EMSY: variants seen among roughly 807,000 people sequenced by gnomAD.
EMSY encodes EMSY transcriptional repressor, BRCA2 interacting, also known as BRCA2-interacting transcriptional repressor EMSY.
A neutral mutation model predicts 134.6 loss-of-function variants in EMSY; 26 were observed. The observed-to-expected ratio is 0.19, with a 90% CI of 0.14 to 0.27. The LOEUF (loss-of-function observed/expected upper bound fraction) is 0.27. Ranked by LOEUF, EMSY falls within the 10% of genes least tolerant of loss-of-function variation. The pLI, the probability that EMSY is intolerant of heterozygous loss-of-function variation, is 1.00. For missense variants in EMSY, 1,305 were observed against 1,611.4 expected (o/e 0.81, Z 3.26); for synonymous variants, 579 against 577.8 (o/e 1.00, Z -0.03).
intron 17 of EMSY, 173 bp from the exon 19 acceptor site, chr11:76,542,043 T>TTA: frequency 1.3e-6 from 1 of 743,602 alleles, no homozygotes; most frequent in Non-Finnish European, 2.3e-6. Context: ...ATAAGAGACT[T>TTA]TCTTAGAGTC....
intron 6 of EMSY, among the ~76,000 whole-genome samples, chr11:76,463,345 C>T (rs1204444787): frequency 3.3e-5 from 5 of 151,658 alleles, no homozygotes; most frequent in African/African-American, 4.8e-5. Context: ...GGAAGGCAGC[C>T]GGGCGCGGTG....
intron 8 of EMSY, among the ~76,000 whole-genome samples, chr11:76,487,697 AT>A (rs1949245023): frequency 6.6e-6 from 1 of 152,228 alleles, no homozygotes; most frequent in South Asian, 2.1e-4. Flanking sequence ...TATTTAAAAT[AT>A]TTTATAAAGT....
intron 9 of EMSY, among the ~76,000 whole-genome samples, chr11:76,506,266 A>G (rs953081323): frequency 2.7e-4 from 41 of 152,344 alleles, no homozygotes; most frequent in Non-Finnish European, 5.9e-5. Context: ...GACTGAAATC[A>G]CATTTGGTTA....
intron 4 of EMSY, among the ~76,000 whole-genome samples, chr11:76,454,295 A>G (rs1947786623): frequency 6.6e-6 from 1 of 152,124 alleles, no homozygotes; most frequent in African/African-American, 2.4e-5. Context: ...TTAACATAAA[A>G]TGGGGTGCTA....
intron 14 of EMSY, among the ~76,000 whole-genome samples, chr11:76,533,979 G>C (rs1288346694): frequency 6.6e-6 from 1 of 152,134 alleles, no homozygotes; most frequent in Non-Finnish European, 1.5e-5. Context: ...GTGTCACAGG[G>C]TTGCTACAGT....
chr11:76,486,229 C>T (rs2135580597), intron 8 of EMSY, among the ~76,000 whole-genome samples: 1 of 151,952 alleles, frequency 6.6e-6, no homozygotes, highest in South Asian at 2.1e-4. Flanking sequence ...GGGAGGGGAA[C>T]ATCACACGCT....
At chr11:76,479,861 G>A (rs1415931189) in intron 8 of EMSY, among the ~76,000 whole-genome samples, 1 of 152,184 alleles carries the variant, frequency 6.6e-6, no homozygotes, top group African/African-American at 2.4e-5. Context: ...TTGAAAAAGT[G>A]GATCCATCAG....
chr11:76,497,908 T>C (rs1387626372), intron 9 of EMSY, among the ~76,000 whole-genome samples: 1 of 152,152 alleles, frequency 6.6e-6, no homozygotes, highest in Non-Finnish European at 1.5e-5. Context: ...GAACTTAGAT[T>C]ATTGATTCAA....
intron 17 of EMSY, 103 bp from the exon 19 acceptor site, chr11:76,542,113 T>C: frequency 2.1e-6 from 3 of 1,450,192 alleles, no homozygotes; most frequent in Non-Finnish European, 2.9e-6. Flanking sequence ...ATACTACACT[T>C]TCTTTCTGTG....
exon 8 of EMSY, chr11:76,472,566 T>C: frequency 6.2e-7 from 1 of 1,613,352 alleles, no homozygotes; most frequent in African/African-American, 1.3e-5. Context: ...TTCCTTAGGT[T>C]ATTATAGTCA....
exon 21 of EMSY, chr11:76,550,972 C>T (rs925038302): frequency 7.9e-5 from 12 of 152,686 alleles, no homozygotes; most frequent in African/African-American, 2.9e-4. Flanking sequence ...GGAAAAGAAA[C>T]GTTTTCAGAC....
intron 4 of EMSY, among the ~76,000 whole-genome samples, chr11:76,454,464 C>T (rs762492603): frequency 2.0e-5 from 3 of 152,036 alleles, no homozygotes; most frequent in Non-Finnish European, 4.4e-5. Context: ...AGATATTAGT[C>T]AATGTGTTCC....
intron 8 of EMSY, among the ~76,000 whole-genome samples, chr11:76,479,094 T>TAA (rs969614770): frequency 1.3e-5 from 2 of 149,014 alleles, no homozygotes; most frequent in Non-Finnish European, 3.0e-5. Context: ...CTTCTTGTTT[T>TAA]AAAAAAAAAA....
At chr11:76,541,114 T>A (rs1951423574) in intron 17 of EMSY, among the ~76,000 whole-genome samples, 1 of 152,160 alleles carries the variant, frequency 6.6e-6, no homozygotes, top group African/African-American at 2.4e-5. Flanking sequence ...TAATCCCAGC[T>A]ATTCAGGAGG....
At chr11:76,497,925 C>A (rs1949716293) in intron 9 of EMSY, among the ~76,000 whole-genome samples, 1 of 152,110 alleles carries the variant, frequency 6.6e-6, no homozygotes, top group Admixed American at 6.6e-5. Flanking sequence ...TCAAGACATA[C>A]TCTCTTTTCT....
At chr11:76,527,191 G>C (rs1392883566) in intron 13 of EMSY, among the ~76,000 whole-genome samples, 2 of 152,022 alleles carry the variant, frequency 1.3e-5, no homozygotes, top group Non-Finnish European at 2.9e-5. Flanking sequence ...TTGCTTTTCT[G>C]AGAATATCGA....
intron 20 of EMSY, 115 bp downstream of exon 21, chr11:76,546,412 A>C: frequency 7.3e-7 from 1 of 1,365,656 alleles, no homozygotes; most frequent in Non-Finnish European, 9.9e-7. Flanking sequence ...GAAGACATAG[A>C]TATTATCTTT....
At chr11:76,496,260 C>A in exon 9 of EMSY, 2 of 1,614,058 alleles carry the variant, frequency 1.2e-6, no homozygotes, top group East Asian at 2.2e-5. Flanking sequence ...AGACTTCCTT[C>A]CCCCAAAAGC....
Position 76,545,780 on chromosome 11 carries a change from C to T in EMSY, c.3274-17C>T, listed in dbSNP as rs2136805434. The T allele has an allele frequency of 6.3e-7, 1 of 1,585,984 alleles. No homozygotes were observed. Among genetic ancestry groups the T allele is most frequent in the Middle Eastern group, 1.7e-4 (1 of 5,894 alleles). The stretch of plus-strand genomic sequence containing the variant: ...AGAGATGTAGCTATAACACACACAA[C>T]CCCAATTTATTTTCAGGTGGAGCAG... On this transcript the variant is annotated splice_polypyrimidine_tract_variant and intron_variant, in intron 19 of 20. Coordinates refer to ENST00000334736, the Ensembl canonical transcript of EMSY.
Sources: gnomAD v4.1 joint callset for allele counts (sites outside exome capture counted in the v4.1 genomes callset) on GRCh38, gnomAD v4.1.1 for gene constraint, MANE v1.5 for transcripts, NCBI Gene and HGNC (gene_info 2026-07-23, HGNC 2026-07-21) for gene names.